TMEM80: variants seen among roughly 807,000 people sequenced by gnomAD.
TMEM80 encodes the protein transmembrane protein 80.
In TMEM80, 16 loss-of-function variants were observed where a neutral mutation model predicts 13.6. The observed-to-expected ratio is 1.17, with a 90% CI of 0.79 to 1.78. TMEM80 has a LOEUF of 1.78. TMEM80 is among the 40% of genes most tolerant of loss of function. The probability of loss-of-function intolerance (pLI) is 0.00; values close to 1 mark genes in which losing one functional copy is unlikely to be tolerated. For missense variants in TMEM80, 167 were observed against 184.6 expected (o/e 0.90, Z 0.55); for synonymous variants, 92 against 89.5 (o/e 1.03, Z -0.16).
At chr11:701,151 C>G (rs1018177176) in intron 4 of TMEM80, 6 of 201,106 alleles carry the variant, frequency 3.0e-5, no homozygotes, top group Non-Finnish European at 5.2e-5. Flanking sequence ...CACTCCAGCT[C>G]TAGGGATCCC....
At chr11:699,908 G>A (rs1421012541) in intron 2 of TMEM80, 5 of 537,776 alleles carry the variant, frequency 9.3e-6, no homozygotes, top group African/African-American at 3.8e-5. Flanking sequence ...TGCACAGACC[G>A]CATTGTTGTG....
In TMEM80 at chr11:695,858, C is replaced by G. The variant is rs1434751084; in HGVS notation, c.19+12C>G. ...GGCCCCGCGGCGAGGTGAGCTCGGG[C>G]GGGGTGGGGGCTTCCGGGCTTGCAG... is the stretch of plus-strand genomic sequence containing the variant. On this transcript the variant is annotated intron_variant, in intron 1 of 4. Coordinates refer to ENST00000397510, the MANE Select transcript of TMEM80 (RefSeq NM_001042463.3). 2.4e-6 allele frequency: 3 copies of G among 1,228,182 alleles called. No homozygotes were observed. Among genetic ancestry groups the G allele is most frequent in the Non-Finnish European group, 3.0e-6 (3 of 984,772 alleles). 76.1% of individuals were successfully genotyped at this position (1,228,182 alleles called of 1,614,324 possible). A position where few individuals can be genotyped will look rare whatever the true frequency, so the allele number is the denominator to read the frequency against.
chr11:698,032 G>C (rs1464621861), intron 1 of TMEM80: 2 of 152,292 alleles, frequency 1.3e-5, no homozygotes, highest in African/African-American at 4.8e-5. Context: ...GCTGTGTTCA[G>C]GTTGCTGTCC....
intron 2 of TMEM80, 36 bp from the exon 3 acceptor site, chr11:700,106 G>T: frequency 6.3e-7 from 1 of 1,593,364 alleles, no homozygotes; most frequent in East Asian, 2.2e-5. Context: ...CTGCTCCCAA[G>T]CCTGTTGAGC....
At chr11:704,181 G>T, downstream of TMEM80, 1 of 1,076,662 alleles carries the variant, frequency 9.3e-7, no homozygotes, top group South Asian at 1.8e-5. Flanking sequence ...CTCCTGCCCT[G>T]CAAGAGAGCA....
chr11:704,546 A>T (rs1403141059), downstream of TMEM80: 11 of 1,289,228 alleles, frequency 8.5e-6, no homozygotes, highest in African/African-American at 6.1e-5. Flanking sequence ...GCAGAAGACC[A>T]GCTGGGCACA....
At chr11:704,560 G>A, downstream of TMEM80, 1 of 1,289,254 alleles carries the variant, frequency 7.8e-7, no homozygotes, top group Non-Finnish European at 1.0e-6. Context: ...GGGCACACCT[G>A]CCATCTGGAG....
chr11:704,918 G>A, downstream of TMEM80: 1 of 350,078 alleles, frequency 2.9e-6, no homozygotes, highest in Non-Finnish European at 5.6e-6. Flanking sequence ...GGGCACGGGT[G>A]CACCGAGGGG....
In TMEM80 at chr11:701,462, G is replaced by A. The variant is rs181442121; in HGVS notation, c.226+755G>A. The stretch of plus-strand genomic sequence containing the variant: ...GTCTCGCTCTGTCGCCCAGGCTGGA[G>A]TGCAGTGGCGTGAACTTGGCTCACT... On this transcript the variant is annotated intron_variant, in intron 4 of 4. Coordinates refer to ENST00000397510, the MANE Select transcript of TMEM80 (RefSeq NM_001042463.3). Among the ~76,000 whole-genome samples, 40 of 137,050 alleles carry A rather than the reference G, an allele frequency of 2.9e-4. No homozygotes were observed. In the East Asian group the frequency reaches 6.7e-3, roughly 23 times the overall value. The allele number at this position is 137,050 out of a possible 152,430, so 89.9% of individuals were successfully genotyped here.
At chr11:701,391 G>A (rs1302685117) in intron 4 of TMEM80, among the ~76,000 whole-genome samples, 3 of 141,966 alleles carry the variant, frequency 2.1e-5, no homozygotes, top group Non-Finnish European at 4.5e-5. Flanking sequence ...TTTTGGTAGA[G>A]ACGAGACAAG....
chr11:704,577 G>C, downstream of TMEM80: 1 of 1,287,000 alleles, frequency 7.8e-7, no homozygotes, highest in Non-Finnish European at 1.0e-6. Flanking sequence ...GGAGGACCCA[G>C]CCCACAAACC....
intron 4 of TMEM80, 114 bp downstream of exon 4, chr11:700,821 A>C (rs1861421881): frequency 8.0e-6 from 8 of 1,000,238 alleles, no homozygotes; most frequent in Non-Finnish European, 1.3e-5. Flanking sequence ...TTTTTATCCA[A>C]ACTGCTTACC....
At chr11:702,312 C>T (rs948621934) in intron 4 of TMEM80, among the ~76,000 whole-genome samples, 12 of 152,218 alleles carry the variant, frequency 7.9e-5, no homozygotes, top group African/African-American at 2.9e-4. Context: ...GTGCGAGCAC[C>T]GCTGCGGCAC....
At chr11:704,382 A>G (rs931562173), downstream of TMEM80, 18 of 1,137,786 alleles carry the variant, frequency 1.6e-5, no homozygotes, top group South Asian at 2.6e-5. Flanking sequence ...TCTTCGTGGA[A>G]GCGGTGGGAG....
At chr11:704,916 G>A (rs1033038628), downstream of TMEM80, 5 of 351,782 alleles carry the variant, frequency 1.4e-5, no homozygotes, top group Admixed American at 1.2e-4. Flanking sequence ...GAGGGCACGG[G>A]TGCACCGAGG....
intron 4 of TMEM80, among the ~76,000 whole-genome samples, chr11:702,726 C>T (rs1461133580): frequency 6.6e-6 from 1 of 152,244 alleles, no homozygotes; most frequent in Non-Finnish European, 1.5e-5. Context: ...GTTGCAGGGG[C>T]ACCTCCCCCA....
At chr11:695,890 G>A in intron 1 of TMEM80, 44 bp downstream of exon 1, 2 of 1,217,362 alleles carry the variant, frequency 1.6e-6, no homozygotes, top group Admixed American at 4.2e-5. Context: ...GCAGCGGCGG[G>A]CGCGGCGTTT....
At chr11:702,219 G>A (rs1436142769) in intron 4 of TMEM80, among the ~76,000 whole-genome samples, 4 of 152,224 alleles carry the variant, frequency 2.6e-5, no homozygotes, top group African/African-American at 9.6e-5. Context: ...CCCACTGAGG[G>A]GTGCCCGGCC....
chr11:703,691 G>A lies in TMEM80; in HGVS notation c.*541G>A, dbSNP rs912492349. 1.6e-6 allele frequency: 2 copies of A among 1,232,330 alleles called. No individual in the cohort carries two copies. Among genetic ancestry groups the A allele is most frequent in the African/African-American group, 1.6e-5 (1 of 64,450 alleles). The allele number at this position is 1,232,330 out of a possible 1,614,324, so 76.3% of individuals were successfully genotyped here. A position where few individuals can be genotyped will look rare whatever the true frequency, so the allele number is the denominator to read the frequency against. ...CAACCCCAGCTCTGCCTCACAGGCAGGCAGGCCCGGTGCAAGAGTGGACTC... is the reference window on the plus strand; with the variant it reads ...CAACCCCAGCTCTGCCTCACAGGCAAGCAGGCCCGGTGCAAGAGTGGACTC... On this transcript the variant is annotated 3_prime_UTR_variant, in exon 5 of 5. Coordinates refer to ENST00000397510, the MANE Select transcript of TMEM80 (RefSeq NM_001042463.3).
Sources: gnomAD v4.1 joint callset for allele counts (sites outside exome capture counted in the v4.1 genomes callset) on GRCh38, gnomAD v4.1.1 for gene constraint, MANE v1.5 for transcripts, NCBI Gene and HGNC (gene_info 2026-07-23, HGNC 2026-07-21) for gene names.